SGPP2: variants seen among roughly 807,000 people sequenced by gnomAD.
SGPP2 encodes sphingosine 1-phosphate phosphohydrolase 2.
Under a neutral mutation model 33.9 loss-of-function variants are expected in SGPP2, and 30 were observed. That is an observed-to-expected ratio of 0.89 (90% CI 0.66 to 1.20). The LOEUF (loss-of-function observed/expected upper bound fraction) is 1.20, where lower values mean the gene tolerates loss of function less well. Among genes scored for constraint, SGPP2 ranks in the 50% most tolerant of loss-of-function variants. SGPP2 has a pLI of 0.00. For missense variants in SGPP2, 458 were observed against 532.1 expected, an observed-to-expected ratio of 0.86 and a Z score of 1.37; for synonymous variants, 233 against 225.0, an observed-to-expected ratio of 1.04 and a Z score of -0.32.
At chr2:222,451,596 C>CTTT (rs1396315451) in intron 1 of SGPP2, among the ~76,000 whole-genome samples, 2 of 152,226 alleles carry the variant, frequency 1.3e-5, no homozygotes, top group African/African-American at 4.8e-5. Flanking sequence ...GCTAGCCTTG[C>CTTT]TTTTATCTGC....
rs1697964195 is a variant in SGPP2 at position 222,477,503 on chromosome 2, ATGTGTATATATATGTC to A, written c.378+2789_378+2804del. Among the ~76,000 whole-genome samples, 1 of 151,596 alleles carries A rather than the reference ATGTGTATATATATGTC, an allele frequency of 6.6e-6. No individual in the cohort carries two copies. Among genetic ancestry groups the A allele is most frequent in the Admixed American group, 6.6e-5 (1 of 15,220 alleles). ...TGTATATAGGTGTGTATATATGTTT[ATGTGTATATATATGTC>A]TGTGTATATATGTGTATTTGTGTTT... On this transcript the variant is annotated intron_variant, in intron 2 of 4. Transcript: ENST00000321276. The surrounding 1 kb of genome is among the most constrained non-coding windows in gnomAD (Gnocchi z 6.0).
chr2:222,475,919 G>A (rs1017060719), intron 2 of SGPP2, among the ~76,000 whole-genome samples: 9 of 152,180 alleles, frequency 5.9e-5, no homozygotes, highest in African/African-American at 2.2e-4. Flanking sequence ...GAATCATCGT[G>A]GGAATATCTA....
intron 4 of SGPP2, among the ~76,000 whole-genome samples, chr2:222,552,945 C>CA (rs1345423862): frequency 6.6e-6 from 1 of 152,000 alleles, no homozygotes; most frequent in Admixed American, 6.6e-5. Context: ...TAAAAAAGGA[C>CA]AAAAAAAGAG....
chr2:222,558,316 T>C, intron 4 of SGPP2, 31 bp from the exon 5 acceptor site: 1 of 1,607,420 alleles, frequency 6.2e-7, no homozygotes, highest in Non-Finnish European at 8.5e-7. Context: ...CACTCATTGG[T>C]TCACACTGTT....
At chr2:222,472,944 G>T (rs572940505) in intron 1 of SGPP2, among the ~76,000 whole-genome samples, 2 of 152,288 alleles carry the variant, frequency 1.3e-5, no homozygotes, top group African/African-American at 4.8e-5. Flanking sequence ...AACCTGGGAG[G>T]CAGAGGTTGC....
intron 2 of SGPP2, among the ~76,000 whole-genome samples, chr2:222,511,386 C>T (rs1026842190): frequency 5.3e-5 from 8 of 152,222 alleles, no homozygotes; most frequent in East Asian, 1.9e-4. Flanking sequence ...TGAAAACCTA[C>T]GGGACCTCCA....
intron 1 of SGPP2, among the ~76,000 whole-genome samples, chr2:222,435,356 T>C (rs1001834913): frequency 6.6e-6 from 1 of 152,178 alleles, no homozygotes; most frequent in Non-Finnish European, 1.5e-5. Context: ...AGAGTGAGTC[T>C]GCCTTTCCCA....
At chr2:222,458,526 GC>G (rs1358071676) in intron 1 of SGPP2, among the ~76,000 whole-genome samples, 2 of 152,094 alleles carry the variant, frequency 1.3e-5, no homozygotes, top group African/African-American at 4.8e-5. Flanking sequence ...AGATGAGATG[GC>G]CTTTAATGCA....
rs115757792 is a variant in SGPP2 at position 222,477,375 on chromosome 2, A to G, written c.378+2649A>G. On this transcript the variant is annotated intron_variant, in intron 2 of 4. Transcript: ENST00000321276. This position sits in a 1 kb window ranked among gnomAD's most constrained non-coding sequence, Gnocchi z 6.0. ...TGTATATATGTGTATGTGTGTATAT[A>G]GGTGTGTATATATGTGTATAGGTGT... 0.061 allele frequency among the ~76,000 whole-genome samples: 9,172 copies of G among 151,232 alleles called. 358 individuals carry two copies. Among genetic ancestry groups the G allele is most frequent in the East Asian group, 0.14 (736 of 5,130 alleles).
In SGPP2 at chr2:222,467,046, A is replaced by G. The variant is rs550976029; in HGVS notation, c.220-7522A>G. Among the ~76,000 whole-genome samples the G allele has an allele frequency of 2.0e-5, 3 of 152,238 alleles. No individual in the cohort carries two copies. The East Asian group carries it at 5.8e-4, about 29-fold the overall frequency. ...ACTTACTCTCTTAATGCCAGTTGAG[A>G]TAACCTCTAATACTGAGGATTAAAT... is the stretch of plus-strand genomic sequence containing the variant. On this transcript the variant is annotated intron_variant, in intron 1 of 4. Coordinates refer to ENST00000321276, the MANE Select transcript of SGPP2 (RefSeq NM_152386.4).
chr2:222,434,491 G>A (rs1205192636), intron 1 of SGPP2, among the ~76,000 whole-genome samples: 1 of 152,098 alleles, frequency 6.6e-6, no homozygotes, highest in Non-Finnish European at 1.5e-5. Flanking sequence ...GGGAGTCTTG[G>A]GAAAGGGGGC....
At chr2:222,456,532 C>T (rs1399681893) in intron 1 of SGPP2, among the ~76,000 whole-genome samples, 1 of 152,222 alleles carries the variant, frequency 6.6e-6, no homozygotes, top group Non-Finnish European at 1.5e-5. Flanking sequence ...TCTCTCCTAC[C>T]TCCCCGGTGT....
chr2:222,508,861 C>A (rs552539384), intron 2 of SGPP2, among the ~76,000 whole-genome samples: 35 of 152,210 alleles, frequency 2.3e-4, no homozygotes, highest in African/African-American at 8.2e-4. Flanking sequence ...ACATGAGTAG[C>A]ACTGTACTAG....
At chr2:222,543,301 AC>A (rs1480963543) in intron 4 of SGPP2, among the ~76,000 whole-genome samples, 1 of 152,240 alleles carries the variant, frequency 6.6e-6, no homozygotes, top group Non-Finnish European at 1.5e-5. Flanking sequence ...TGAAAGGGTT[AC>A]CCGTTATCCT....
chr2:222,440,435 G>A (rs765892783), intron 1 of SGPP2, among the ~76,000 whole-genome samples: 2 of 151,302 alleles, frequency 1.3e-5, no homozygotes, highest in South Asian at 2.1e-4. Context: ...CTCTGCCTCC[G>A]GGGTTCAAGA....
chr2:222,545,299 T>TTTTTTTTG, intron 4 of SGPP2, among the ~76,000 whole-genome samples: 1 of 151,186 alleles, frequency 6.6e-6, no homozygotes, highest in Non-Finnish European at 1.5e-5. Flanking sequence ...TTTTTTTTTT[T>TTTTTTTTG]GAGACAGGGT....
chr2:222,425,580 G>T (rs1203214794), intron 1 of SGPP2, among the ~76,000 whole-genome samples: 1 of 152,216 alleles, frequency 6.6e-6, no homozygotes, highest in African/African-American at 2.4e-5. Flanking sequence ...GCAGTGCACA[G>T]GGACTTTAGG....
upstream of SGPP2, chr2:222,424,499 C>A: frequency 1.2e-6 from 1 of 823,854 alleles, no homozygotes; most frequent in Middle Eastern, 4.6e-4. Flanking sequence ...GCCCGGCCTC[C>A]GCCCGGAGTG....
intron 1 of SGPP2, among the ~76,000 whole-genome samples, chr2:222,425,544 G>T (rs959409047): frequency 2.0e-5 from 3 of 152,184 alleles, no homozygotes; most frequent in African/African-American, 7.2e-5. Flanking sequence ...ACTGCGGCTT[G>T]GGGGGAACCA....
Sources: gnomAD v4.1 joint callset for allele counts (sites outside exome capture counted in the v4.1 genomes callset) on GRCh38, gnomAD v4.1.1 for gene constraint, Gnocchi (gnomAD v3.1) non-coding constraint, MANE v1.5 for transcripts, NCBI Gene and HGNC (gene_info 2026-07-23, HGNC 2026-07-21) for gene names.